Variants in STPG2 observed in about 807,000 individuals in gnomAD.
The protein encoded by STPG2 is sperm-tail PG-rich repeat-containing protein 2.
In STPG2, 56 loss-of-function variants were observed where a neutral mutation model predicts 54.2. The ratio of observed to expected loss-of-function variants is 1.03; its 90% CI spans 0.83 to 1.29. The LOEUF is 1.29. Ranked by LOEUF, STPG2 falls within the 50% of genes most tolerant of loss-of-function variation. STPG2 has a pLI of 0.00. For missense variants in STPG2, 596 were observed against 544.9 expected (o/e 1.09, Z -0.93); for synonymous variants, 200 against 181.8 (o/e 1.10, Z -0.81).
intron 10 of STPG2, among the ~76,000 whole-genome samples, chr4:97,693,511 A>C (rs1448540357): frequency 6.6e-6 from 1 of 152,194 alleles, no homozygotes; most frequent in Non-Finnish European, 1.5e-5. Context: ...ATGCACTAAC[A>C]CTGGAGATCC....
intron 10 of STPG2, among the ~76,000 whole-genome samples, chr4:97,709,017 T>C (rs1489338770): frequency 6.6e-6 from 1 of 151,838 alleles, no homozygotes; most frequent in East Asian, 1.9e-4. Context: ...GATTTTTCTC[T>C]TGTGCCTTTT....
chr4:97,682,595 G>T (rs1272143712), intron 10 of STPG2, among the ~76,000 whole-genome samples: 1 of 151,632 alleles, frequency 6.6e-6, no homozygotes, highest in Non-Finnish European at 1.5e-5. Flanking sequence ...AATAGTAACA[G>T]CTAACATTTA....
chr4:97,664,778 G>A (rs1261963368), intron 10 of STPG2, among the ~76,000 whole-genome samples: 2 of 152,024 alleles, frequency 1.3e-5, no homozygotes. Flanking sequence ...AACCTCTGTG[G>A]CCAGTGGCAC....
intron 4 of STPG2, among the ~76,000 whole-genome samples, chr4:97,477,538 A>G (rs568412113): frequency 1.0e-4 from 15 of 143,206 alleles, no homozygotes; most frequent in Non-Finnish European, 2.1e-4. Context: ...GTGCAGTGGC[A>G]CGATCTCGGC....
At chr4:97,544,249 G>T (rs188227556) in intron 4 of STPG2, among the ~76,000 whole-genome samples, 1 of 152,078 alleles carries the variant, frequency 6.6e-6, no homozygotes, top group Admixed American at 6.6e-5. Context: ...GGAGATATCC[G>T]TAAAAGTATA....
chr4:97,509,589 A>G (rs1288438983), intron 4 of STPG2, among the ~76,000 whole-genome samples: 1 of 152,128 alleles, frequency 6.6e-6, no homozygotes, highest in African/African-American at 2.4e-5. Context: ...CTAAAAACAA[A>G]GCCTTTTTTT....
At chr4:97,741,366 A>T (rs1363699251) in intron 9 of STPG2, among the ~76,000 whole-genome samples, 1 of 152,194 alleles carries the variant, frequency 6.6e-6, no homozygotes, top group African/African-American at 2.4e-5. Flanking sequence ...GACAAATGGG[A>T]TCTCATTAAA....
At chr4:97,800,980 C>T (rs747315208) in intron 9 of STPG2, among the ~76,000 whole-genome samples, 7 of 152,206 alleles carry the variant, frequency 4.6e-5, no homozygotes, top group Non-Finnish European at 8.8e-5. Flanking sequence ...ACCCTCCTAG[C>T]CAGGTGCAGG....
intron 9 of STPG2, among the ~76,000 whole-genome samples, chr4:97,783,243 A>T (rs548971364): frequency 7.9e-5 from 12 of 152,310 alleles, no homozygotes; most frequent in African/African-American, 2.9e-4. Context: ...AGAAAAAACA[A>T]CCGCATCAAA....
At chr4:97,813,431 T>C (rs1403777961) in intron 9 of STPG2, among the ~76,000 whole-genome samples, 1 of 151,966 alleles carries the variant, frequency 6.6e-6, no homozygotes, top group Non-Finnish European at 1.5e-5. Context: ...TACTATGCTA[T>C]GGGTACTATG....
At position 97,536,506 on chromosome 4, in the gene STPG2, C is replaced by A. The variant is rs536524699; in HGVS notation, c.462+176193G>T. On this transcript the variant is annotated intron_variant, in intron 4 of 4. Coordinates refer to the STPG2 transcript ENST00000522676. The stretch of plus-strand genomic sequence containing the variant: ...TGATTGTAAGTTTCCTAAGGCCTCC[C>A]CAGCCATGCAGAACTGAGTCAATTA... Among the ~76,000 whole-genome samples the A allele has an allele frequency of 2.6e-5, 4 of 152,220 alleles. No individual in the cohort carries two copies. The East Asian group carries it at 7.8e-4, about 30-fold the overall frequency.
chr4:97,710,474 G>A (rs536166751), intron 10 of STPG2, among the ~76,000 whole-genome samples: 1 of 152,172 alleles, frequency 6.6e-6, no homozygotes, highest in Admixed American at 6.5e-5. Context: ...GGGATCCTTT[G>A]TGGACATAAG....
chr4:97,686,572 A>T (rs917032094), intron 10 of STPG2, among the ~76,000 whole-genome samples: 5 of 152,100 alleles, frequency 3.3e-5, no homozygotes, highest in African/African-American at 4.8e-5. Context: ...GCAAACTGGG[A>T]GAAGGCTGGT....
At chr4:97,962,628 T>C (rs1733930379) in intron 7 of STPG2, among the ~76,000 whole-genome samples, 1 of 152,206 alleles carries the variant, frequency 6.6e-6, no homozygotes, top group South Asian at 2.1e-4. Flanking sequence ...GAATAGCAAA[T>C]TTACTGAGTC....
chr4:98,128,515 A>G lies in STPG2; in HGVS notation c.300T>C (p.Tyr100=), dbSNP rs768536217. 1.7e-5 allele frequency: 27 copies of G among 1,613,600 alleles called. No individual in the cohort carries two copies. The highest frequency in any genetic ancestry group is 2.3e-5 in the Non-Finnish European group (27 of 1,179,814). The change falls in exon 3 of 11, where the codon TAT becomes TAC. Residue 100 remains tyrosine (Y), a synonymous_variant. Coordinates refer to ENST00000295268, the MANE Select transcript of STPG2 (RefSeq NM_174952.3). ...SIPSCGKSYG[Y]HINDDGSIIK... ...TAATACTGCCATCATCATTAATATG[A>G]TAACCATATGACTTTCCACAAGAAG...
chr4:97,805,007 T>C (rs537395505), intron 9 of STPG2, among the ~76,000 whole-genome samples: 18 of 152,230 alleles, frequency 1.2e-4, no homozygotes, highest in African/African-American at 4.1e-4. Flanking sequence ...ACAAGGACAA[T>C]ATTACCTAAC....
At chr4:97,925,552 G>A (rs889967070) in intron 8 of STPG2, among the ~76,000 whole-genome samples, 2 of 152,154 alleles carry the variant, frequency 1.3e-5, no homozygotes, top group Non-Finnish European at 2.9e-5. Flanking sequence ...TCTCCCATCA[G>A]TGGTTAGTTG....
intron 9 of STPG2, among the ~76,000 whole-genome samples, chr4:97,805,906 A>G (rs2149093482): frequency 6.6e-6 from 1 of 152,286 alleles, no homozygotes; most frequent in Non-Finnish European, 1.5e-5. Context: ...TGTTAGTAGG[A>G]ATGTAAATTG....
intron 8 of STPG2, among the ~76,000 whole-genome samples, chr4:97,878,788 T>C (rs1426858896): frequency 6.6e-6 from 1 of 152,192 alleles, no homozygotes; most frequent in African/African-American, 2.4e-5. Context: ...CCTTATTACT[T>C]ATGCAAATTT....
Sources: allele counts gnomAD v4.1 joint callset (sites outside exome capture counted in the v4.1 genomes callset), GRCh38; gene constraint gnomAD v4.1.1; transcripts MANE v1.5; gene names NCBI Gene and HGNC (gene_info 2026-07-23, HGNC 2026-07-21).